SHOC1: variants seen among roughly 807,000 people sequenced by gnomAD.
SHOC1 encodes shortage in chiasmata 1.
SHOC1 carries 136 observed loss-of-function variants against 179.2 expected under a neutral mutation model. That is an observed-to-expected ratio of 0.76 (90% CI 0.66 to 0.87). The LOEUF (loss-of-function observed/expected upper bound fraction) is 0.87, where lower values mean the gene tolerates loss of function less well. SHOC1 is among the 40% of genes least tolerant of loss of function. The probability of loss-of-function intolerance (pLI) is 0.00; values close to 1 mark genes in which losing one functional copy is unlikely to be tolerated. For missense variants in SHOC1, 1,538 were observed against 1,700.8 expected (o/e 0.90, Z 1.68); for synonymous variants, 489 against 586.6 (o/e 0.83, Z 2.41).
chr9:111,730,439 C>G (rs575027557), intron 12 of SHOC1, among the ~76,000 whole-genome samples: 1 of 152,288 alleles, frequency 6.6e-6, no homozygotes, highest in South Asian at 2.1e-4. Flanking sequence ...ACTCCTTGAT[C>G]CATGGGCTGC....
chr9:111,731,565 T>C (rs1833571259), intron 12 of SHOC1, among the ~76,000 whole-genome samples: 1 of 152,178 alleles, frequency 6.6e-6, no homozygotes, highest in African/African-American at 2.4e-5. Context: ...TTCACTTTTT[T>C]GTATGGGCAG....
chr9:111,781,750 A>AAATAAATAAATAAATAAATAAATTAATT (rs765900257), intron 3 of SHOC1, among the ~76,000 whole-genome samples: 4 of 151,006 alleles, frequency 2.6e-5, no homozygotes, highest in African/African-American at 9.7e-5. Context: ...ATAAATAAAT[A>AAATAAATAAATAAATAAATAAATTAATT]AATTTGTATG....
chr9:111,784,807 T>C (rs1836203517), intron 3 of SHOC1, among the ~76,000 whole-genome samples: 1 of 152,162 alleles, frequency 6.6e-6, no homozygotes. Context: ...GCTGTCTTCT[T>C]GCTGGCCTCA....
chr9:111,714,502 C>T lies in SHOC1; in HGVS notation c.2358G>A (p.Lys786=). ...GTATCTGACATTGCAATTCTTGTATCTTGTAGTTGGTTTCAGGCTTTTTCC... is the reference window on the plus strand; with the variant it reads ...GTATCTGACATTGCAATTCTTGTATTTTGTAGTTGGTTTCAGGCTTTTTCC... ...IRGKKPETNY[K]IQELQCQILS... Residue 786 remains lysine (K), a synonymous_variant, in exon 17 of 28, where the codon AAG becomes AAA. Coordinates refer to ENST00000682961, the MANE Select transcript of SHOC1 (RefSeq NM_001378211.1). 1 of 1,613,846 alleles carries T rather than the reference C, an allele frequency of 6.2e-7. No individual in the cohort carries two copies. Among genetic ancestry groups the T allele is most frequent in the Admixed American group, 1.7e-5 (1 of 59,988 alleles).
intron 24 of SHOC1, among the ~76,000 whole-genome samples, chr9:111,698,961 G>C (rs7853362): frequency 0.55 from 83,477 of 151,792 alleles, 23,603 homozygotes; most frequent in East Asian, 0.87. Flanking sequence ...TTTATCAAGA[G>C]ACTACTATGT....
chr9:111,786,994 C>T (rs1398102295), intron 2 of SHOC1, among the ~76,000 whole-genome samples: 1 of 152,162 alleles, frequency 6.6e-6, no homozygotes, highest in African/African-American at 2.4e-5. Context: ...TGTCTATGCT[C>T]TATAAATGGA....
Position 111,772,792 on chromosome 9 carries a change from C to T in SHOC1, c.442+2999G>A, listed in dbSNP as rs112441040. ...GATTTGGCTCCTTTGCCTGAGTTAC[C>T]GAGCAGAGTTTCCAGGGCTGGGGAA... is the stretch of plus-strand genomic sequence containing the variant. On this transcript the variant is annotated intron_variant, in intron 5 of 27. Coordinates refer to ENST00000682961, the MANE Select transcript of SHOC1 (RefSeq NM_001378211.1). 8.4e-3 allele frequency among the ~76,000 whole-genome samples: 1,273 copies of T among 152,278 alleles called. 18 individuals carry two copies. The highest frequency in any genetic ancestry group is 0.029 in the African/African-American group (1,209 of 41,550).
chr9:111,791,014 A>G (rs1196529966), intron 2 of SHOC1, among the ~76,000 whole-genome samples: 2 of 152,366 alleles, frequency 1.3e-5, no homozygotes, highest in East Asian at 3.9e-4. Flanking sequence ...GAGTGCCAAT[A>G]TGATGCCAAT....
intron 5 of SHOC1, among the ~76,000 whole-genome samples, chr9:111,762,950 T>C (rs1003781445): frequency 9.2e-5 from 14 of 152,076 alleles, no homozygotes; most frequent in Non-Finnish European, 2.1e-4. Context: ...GAATTAGTTA[T>C]TGGAATTACT....
chr9:111,749,696 T>C (rs555858395), intron 8 of SHOC1, among the ~76,000 whole-genome samples: 20 of 152,100 alleles, frequency 1.3e-4, no homozygotes, highest in Non-Finnish European at 1.9e-4. Context: ...CGATAAGCCC[T>C]AGTGTGTGTT....
chr9:111,702,311 G>T, intron 22 of SHOC1, 85 bp from the exon 23 acceptor site: 2 of 933,320 alleles, frequency 2.1e-6, no homozygotes, highest in Non-Finnish European at 1.6e-6. Flanking sequence ...AAGAATCTAT[G>T]ACATATAAAT....
At chr9:111,714,085 G>T (rs930566144) in intron 17 of SHOC1, among the ~76,000 whole-genome samples, 3 of 152,062 alleles carry the variant, frequency 2.0e-5, no homozygotes, top group African/African-American at 4.8e-5. Flanking sequence ...AACAATCATG[G>T]CTCACTGCAG....
At chr9:111,716,037 G>C (rs1832770427) in intron 16 of SHOC1, among the ~76,000 whole-genome samples, 1 of 152,010 alleles carries the variant, frequency 6.6e-6, no homozygotes, top group Middle Eastern at 3.2e-3. Flanking sequence ...GAGAAAGAAA[G>C]GACAACCTAA....
chr9:111,694,352 G>A lies in SHOC1; in HGVS notation c.3194C>T (p.Ala1065Val), dbSNP rs1249228422. 1.2e-6 allele frequency: 2 copies of A among 1,600,590 alleles called. No homozygotes were observed. Among genetic ancestry groups the A allele is most frequent in the Non-Finnish European group, 1.7e-6 (2 of 1,172,348 alleles). Residue 1065 changes from alanine (A) to valine (V), a missense_variant, in exon 25 of 28, where the codon GCC becomes GTC. Coordinates refer to ENST00000682961, the MANE Select transcript of SHOC1 (RefSeq NM_001378211.1). ...SEELDVKLIIAPGVEATALII... is the reference protein window; with the variant it reads ...SEELDVKLIIVPGVEATALII... ...CAAGGCAGTTGCTTCTACTCCTGGGGCAATTATAAGCTAAAAAATATTTTT... is the reference window on the plus strand; with the variant it reads ...CAAGGCAGTTGCTTCTACTCCTGGGACAATTATAAGCTAAAAAATATTTTT...
Position 111,703,924 on chromosome 9 carries a change from T to A in SHOC1, c.2924A>T (p.Tyr975Phe), listed in dbSNP as rs1277049255. Residue 975 changes from tyrosine to phenylalanine, a missense_variant, in exon 22 of 28, where the codon TAT (tyrosine) becomes TTT (phenylalanine). By Grantham distance (22) the Tyr-to-Phe change is conservative (BLOSUM62 3). Coordinates refer to ENST00000682961, the MANE Select transcript of SHOC1 (RefSeq NM_001378211.1). The part of the protein sequence containing the change: ...SLKLFGSSEC[Y>F]VVVTIDEHTA... Reference sequence around the variant, plus strand: ...GTGTTCATCAATTGTCACCACTACATAACACTCTGAACTTCCAAAGAGTTT... The same window carrying A: ...GTGTTCATCAATTGTCACCACTACAAAACACTCTGAACTTCCAAAGAGTTT... The A allele has an allele frequency of 1.9e-6, 3 of 1,610,438 alleles. No homozygotes were observed. The Admixed American group carries it at 5.0e-5, about 27-fold the overall frequency.
At chr9:111,787,077 C>A (rs143033028) in intron 2 of SHOC1, among the ~76,000 whole-genome samples, 3 of 152,096 alleles carry the variant, frequency 2.0e-5, no homozygotes, top group Non-Finnish European at 2.9e-5. Context: ...ATTGTTGAGA[C>A]CTACTTTTGG....
chr9:111,716,547 C>T (rs747791068), intron 16 of SHOC1, among the ~76,000 whole-genome samples: 3 of 151,940 alleles, frequency 2.0e-5, no homozygotes, highest in African/African-American at 4.8e-5. Flanking sequence ...TGCACCACCA[C>T]GCCAGGCTAA....
At chr9:111,778,752 CAG>C (rs1451292353) in intron 4 of SHOC1, among the ~76,000 whole-genome samples, 1 of 118,280 alleles carries the variant, frequency 8.5e-6, no homozygotes, top group African/African-American at 3.3e-5. Context: ...GCCTAGGTGA[CAG>C]AGAGAGACTC....
At chr9:111,743,438 T>C (rs564166442) in intron 10 of SHOC1, among the ~76,000 whole-genome samples, 1 of 152,290 alleles carries the variant, frequency 6.6e-6, no homozygotes, top group African/African-American at 2.4e-5. Flanking sequence ...TCCTACACCA[T>C]CTCGCCCAGG....
Sources: allele counts gnomAD v4.1 joint callset (sites outside exome capture counted in the v4.1 genomes callset), GRCh38; gene constraint gnomAD v4.1.1; transcripts MANE v1.5; gene names NCBI Gene and HGNC (gene_info 2026-07-23, HGNC 2026-07-21).